Variants in HUS1 observed in about 807,000 individuals in gnomAD.
HUS1 encodes the protein HUS1 checkpoint clamp component.
In HUS1, 31 loss-of-function variants were observed where a neutral mutation model predicts 32.6. That is an observed-to-expected ratio of 0.95 (90% CI 0.72 to 1.28). The LOEUF (loss-of-function observed/expected upper bound fraction) is 1.28, where lower values mean the gene tolerates loss of function less well. Among genes scored for constraint, HUS1 ranks in the 50% most tolerant of loss-of-function variants. HUS1 has a pLI of 0.00. For missense variants in HUS1, 340 were observed against 337.7 expected, an observed-to-expected ratio of 1.01 and a Z score of -0.05; for synonymous variants, 123 against 116.6, an observed-to-expected ratio of 1.06 and a Z score of -0.36.
intron 5 of HUS1, among the ~76,000 whole-genome samples, chr7:47,975,027 G>A (rs979951782): frequency 6.6e-6 from 1 of 152,110 alleles, no homozygotes; most frequent in Non-Finnish European, 1.5e-5. Context: ...AAGATACAAT[G>A]TTCCAGCCGG....
intron 5 of HUS1, among the ~76,000 whole-genome samples, chr7:47,973,413 A>G (rs1788637961): frequency 6.6e-6 from 1 of 152,192 alleles, no homozygotes; most frequent in Non-Finnish European, 1.5e-5. Context: ...ATTCACACGC[A>G]TGGTAGAACT....
chr7:47,975,484 C>A (rs117136987), intron 5 of HUS1, 129 bp downstream of exon 5: 2 of 682,074 alleles, frequency 2.9e-6, no homozygotes, highest in Non-Finnish European at 5.3e-6. Context: ...CAGCACCAGG[C>A]CAGGTCCTCA....
At chr7:47,976,896 C>T (rs1788717267) in intron 3 of HUS1, 59 bp from the exon 4 acceptor site, 2 of 1,170,022 alleles carry the variant, frequency 1.7e-6, no homozygotes, top group Admixed American at 1.8e-5. Context: ...AACAACAAAA[C>T]AAACCCGAAG....
In HUS1 at chr7:47,971,825, A is replaced by T. The variant is rs186371027; in HGVS notation, c.541-2507T>A. On this transcript the variant is annotated intron_variant, in intron 5 of 7. Transcript: ENST00000258774. ...AGGCACTCTGTCTGCACGGCTCTGT[A>T]TCAGTGTTCATGTTTACTGAATACA... 2.0e-5 allele frequency among the ~76,000 whole-genome samples: 3 copies of T among 152,306 alleles called. No individual in the cohort carries two copies. The East Asian group carries it at 5.8e-4, about 29-fold the overall frequency.
Position 47,969,307 on chromosome 7 carries a change from T to G in HUS1, c.552A>C (p.Ala184=). The G allele has an allele frequency of 6.4e-7, 1 of 1,573,152 alleles. No individual in the cohort carries two copies. Among genetic ancestry groups the G allele is most frequent in the Non-Finnish European group, 8.7e-7 (1 of 1,147,438 alleles). The change falls in exon 6 of 8, where the codon GCA becomes GCC. Residue 184 remains alanine (A), a synonymous_variant. Coordinates refer to ENST00000258774, the MANE Select transcript of HUS1 (RefSeq NM_004507.4). ...KNISNHLVIE[A]NLDGELNLKI... The stretch of plus-strand genomic sequence containing the variant: ...TCAAATTCAATTCTCCATCTAGGTT[T>G]GCTTCAATAACCTGCAAATTGAGTA...
chr7:47,976,258 G>C (rs1479486215), intron 4 of HUS1: 1 of 424,280 alleles, frequency 2.4e-6, no homozygotes, highest in African/African-American at 2.1e-5. Flanking sequence ...TTGTGAGCAA[G>C]AGGAAATGGG....
rs1001261610 is a variant in HUS1 at position 47,963,912 on chromosome 7, A to C, written c.*1444T>G. 1.3e-5 allele frequency: 2 copies of C among 152,154 alleles called. No individual in the cohort carries two copies. The highest frequency in any genetic ancestry group is 1.9e-4 in the East Asian group (1 of 5,202). The allele number at this position is 152,154 out of a possible 1,614,324, so 9.4% of individuals were successfully genotyped here. On this transcript the variant is annotated 3_prime_UTR_variant, in exon 8 of 8. Transcript: ENST00000258774. ...CAGAGTGAGACTCCGTCTCAAAAAA[A>C]AAAACCAAAAAACAAACAAAAAACC...
At chr7:47,966,437 T>C (rs1412515582) in intron 7 of HUS1, among the ~76,000 whole-genome samples, 1 of 152,228 alleles carries the variant, frequency 6.6e-6, no homozygotes, top group Non-Finnish European at 1.5e-5. Context: ...CTCTTCCATG[T>C]TCCTCAACAG....
Position 47,964,075 on chromosome 7 carries a change from G to T in HUS1, c.*1281C>A, listed in dbSNP as rs1300827045. The T allele has an allele frequency of 1.3e-5, 2 of 152,134 alleles. No homozygotes were observed. Among genetic ancestry groups the T allele is most frequent in the Non-Finnish European group, 2.9e-5 (2 of 68,032 alleles). 9.4% of individuals were successfully genotyped at this position (152,134 alleles called of 1,614,324 possible). On this transcript the variant is annotated 3_prime_UTR_variant, in exon 8 of 8. Transcript: ENST00000258774. The stretch of plus-strand genomic sequence containing the variant: ...GCAACTTAGGTCTCAGTTTTGTAAT[G>T]TGACATTAATATAATGTTTATGGAT...
intron 2 of HUS1, 36 bp from the exon 3 acceptor site, chr7:47,978,629 AT>A: frequency 6.2e-7 from 1 of 1,613,020 alleles, no homozygotes; most frequent in South Asian, 1.1e-5. Context: ...GGGAGGGTAT[AT>A]GTGATCTTTC....
At chr7:47,979,445 T>A (rs1467933996) in intron 1 of HUS1, 23 bp downstream of exon 1, 1 of 1,613,062 alleles carries the variant, frequency 6.2e-7, no homozygotes, top group Non-Finnish European at 8.5e-7. Flanking sequence ...CCTCCCTCGC[T>A]CCTCTCCGGC....
chr7:47,979,244 C>G (rs919652769), intron 1 of HUS1, among the ~76,000 whole-genome samples: 1 of 151,956 alleles, frequency 6.6e-6, no homozygotes, highest in Non-Finnish European at 1.5e-5. Flanking sequence ...GTTTCAGAAA[C>G]GTCCCTTGAA....
intron 5 of HUS1, among the ~76,000 whole-genome samples, chr7:47,974,971 G>C (rs972321416): frequency 2.0e-5 from 3 of 152,200 alleles, no homozygotes; most frequent in Non-Finnish European, 4.4e-5. Context: ...CTCACTGTCA[G>C]TCATATCAGT....
intron 5 of HUS1, among the ~76,000 whole-genome samples, chr7:47,970,419 G>A (rs1788575174): frequency 6.6e-6 from 1 of 151,802 alleles, no homozygotes. Flanking sequence ...AGTTTAGAAG[G>A]AAGACTAGAG....
chr7:47,964,543 C>T lies in HUS1; in HGVS notation c.*813G>A. 6.6e-6 allele frequency: 1 copy of T among 152,216 alleles called. No homozygotes were observed. The highest frequency in any genetic ancestry group is 1.5e-5 in the Non-Finnish European group (1 of 68,050). 9.4% of individuals were successfully genotyped at this position (152,216 alleles called of 1,614,324 possible). A position where few individuals can be genotyped will look rare whatever the true frequency, so the allele number is the denominator to read the frequency against. ...CAGAAACATCAAAGAAATATGGTCTCATCACTTAACACAGATGATACCTTA... is the reference window on the plus strand; with the variant it reads ...CAGAAACATCAAAGAAATATGGTCTTATCACTTAACACAGATGATACCTTA... On this transcript the variant is annotated 3_prime_UTR_variant, in exon 8 of 8. Coordinates refer to ENST00000258774, the MANE Select transcript of HUS1 (RefSeq NM_004507.4).
intron 5 of HUS1, among the ~76,000 whole-genome samples, chr7:47,972,665 G>C (rs572481420): frequency 8.2e-6 from 1 of 122,322 alleles, no homozygotes; most frequent in Non-Finnish European, 1.9e-5. Flanking sequence ...TTTAAAAACT[G>C]ACGAAGCCCC....
rs1176377606 is a variant in HUS1 at position 47,964,428 on chromosome 7, G to A, written c.*928C>T. 1 of 152,166 alleles carries A rather than the reference G, an allele frequency of 6.6e-6. No individual in the cohort carries two copies. The highest frequency in any genetic ancestry group is 2.4e-5 in the African/African-American group (1 of 41,444). The allele number at this position is 152,166 out of a possible 1,614,324, so 9.4% of individuals were successfully genotyped here. ...ATGTTTATCATGTCCACCTCCACAGGACAATGAGATGTAATTATAATAGGA... is the reference window on the plus strand; with the variant it reads ...ATGTTTATCATGTCCACCTCCACAGAACAATGAGATGTAATTATAATAGGA... On this transcript the variant is annotated 3_prime_UTR_variant, in exon 8 of 8. Coordinates refer to ENST00000258774, the MANE Select transcript of HUS1 (RefSeq NM_004507.4).
chr7:47,969,752 CA>C (rs1242419118), intron 5 of HUS1, among the ~76,000 whole-genome samples: 2 of 149,626 alleles, frequency 1.3e-5, no homozygotes, highest in Non-Finnish European at 3.0e-5. Context: ...GCACCTTGGG[CA>C]AAAAAAAGGG....
intron 5 of HUS1, among the ~76,000 whole-genome samples, chr7:47,970,194 C>G (rs1788567234): frequency 7.4e-6 from 1 of 135,506 alleles, no homozygotes; most frequent in African/African-American, 2.8e-5. Flanking sequence ...GATTGCGCCA[C>G]TGCACTCCAG....
Sources: gnomAD v4.1 joint callset for allele counts (sites outside exome capture counted in the v4.1 genomes callset) on GRCh38, gnomAD v4.1.1 for gene constraint, MANE v1.5 for transcripts, NCBI Gene and HGNC (gene_info 2026-07-23, HGNC 2026-07-21) for gene names.